GALNT16: variants seen among roughly 807,000 people sequenced by gnomAD.
The protein encoded by GALNT16 is UDP-GalNAc:polypeptide N-acetylgalactosaminyltransferase-like protein 1.
In GALNT16, 40 loss-of-function variants were observed where a neutral mutation model predicts 76.1. The observed-to-expected ratio is 0.53, with a 90% CI of 0.41 to 0.68. The LOEUF is 0.68. GALNT16 is among the 30% of genes least tolerant of loss of function. The probability of loss-of-function intolerance (pLI) is 0.00; values close to 1 mark genes in which losing one functional copy is unlikely to be tolerated. For missense variants in GALNT16, 621 were observed against 731.9 expected (o/e 0.85, Z 1.75); for synonymous variants, 276 against 285.2 (o/e 0.97, Z 0.32).
In GALNT16 at chr14:69,333,354, G is replaced by GC; in HGVS notation, c.864-141dup. The stretch of plus-strand genomic sequence containing the variant: ...GAGGCCACGGGAACAGATGTGGGGG[G>GC]CCAGGGAGCTGGCCAGACATCCTGC... On this transcript the variant is annotated intron_variant, in intron 8 of 14. Transcript: ENST00000448469. This position sits in a 1 kb window ranked among gnomAD's most constrained non-coding sequence, Gnocchi z 4.2. 1 of 708,262 alleles carries GC rather than the reference G, an allele frequency of 1.4e-6. No individual in the cohort carries two copies. The highest frequency in any genetic ancestry group is 2.5e-6 in the Non-Finnish European group (1 of 400,028). The allele number at this position is 708,262 out of a possible 1,614,324, so 43.9% of individuals were successfully genotyped here.
chr14:69,317,320 C>G (rs116522698), intron 1 of GALNT16, among the ~76,000 whole-genome samples: 1 of 152,246 alleles, frequency 6.6e-6, no homozygotes, highest in Non-Finnish European at 1.5e-5. Context: ...ACTGGTCACA[C>G]GACATCTGCA....
At chr14:69,351,946 C>A in intron 14 of GALNT16, 85 bp from the exon 15 acceptor site, 1 of 1,269,350 alleles carries the variant, frequency 7.9e-7, no homozygotes, top group South Asian at 1.4e-5. Flanking sequence ...GGGCTGTGTG[C>A]ATACATGTGG....
intron 2 of GALNT16, among the ~76,000 whole-genome samples, chr14:69,322,752 G>A (rs2045206633): frequency 6.6e-6 from 1 of 152,108 alleles, no homozygotes. Flanking sequence ...TTAGCTGGGT[G>A]TGGTGGTGGG....
At chr14:69,314,684 T>C (rs1220089476) in intron 1 of GALNT16, among the ~76,000 whole-genome samples, 1 of 152,250 alleles carries the variant, frequency 6.6e-6, no homozygotes, top group East Asian at 1.9e-4. Flanking sequence ...TGTCGAATTA[T>C]GTGCTTAGCT....
chr14:69,348,108 C>T (rs1412277473), intron 14 of GALNT16, 106 bp downstream of exon 14: 1 of 1,172,980 alleles, frequency 8.5e-7, no homozygotes, highest in Non-Finnish European at 1.3e-6. Context: ...ATAAGCCCTT[C>T]AGAGCGAGGA....
At position 69,353,602 on chromosome 14, in the gene GALNT16, G is replaced by A. The variant is rs1159192904; in HGVS notation, c.*1434G>A. On this transcript the variant is annotated 3_prime_UTR_variant, in exon 15 of 15. Coordinates refer to ENST00000448469, the MANE Select transcript of GALNT16 (RefSeq NM_001168368.2). ...TGGGGCAGATATACCTACCACAGGA[G>A]CCCCCTGTCTTTCATAGGCCAAGGA... 6.6e-6 allele frequency: 1 copy of A among 152,220 alleles called. No individual in the cohort carries two copies. The highest frequency in any genetic ancestry group is 2.4e-5 in the African/African-American group (1 of 41,414). 9.4% of individuals were successfully genotyped at this position (152,220 alleles called of 1,614,324 possible).
intron 11 of GALNT16, among the ~76,000 whole-genome samples, chr14:69,341,438 A>C (rs2045483700): frequency 6.6e-6 from 1 of 152,202 alleles, no homozygotes; most frequent in South Asian, 2.1e-4. Flanking sequence ...GTCTGTGCTC[A>C]CCCTGAAAGG....
chr14:69,279,224 G>A (rs972215234), intron 1 of GALNT16, among the ~76,000 whole-genome samples: 6 of 152,182 alleles, frequency 3.9e-5, no homozygotes, highest in African/African-American at 4.8e-5. Context: ...GAGCCACCAC[G>A]CCTGGCCATT....
At chr14:69,309,632 C>T (rs1174694266) in intron 1 of GALNT16, among the ~76,000 whole-genome samples, 2 of 152,250 alleles carry the variant, frequency 1.3e-5, no homozygotes, top group East Asian at 1.9e-4. Context: ...TTTCTATGAA[C>T]TTCTTCATAT....
At chr14:69,317,162 C>T (rs893742888) in intron 1 of GALNT16, among the ~76,000 whole-genome samples, 2 of 152,168 alleles carry the variant, frequency 1.3e-5, no homozygotes, top group African/African-American at 4.8e-5. Flanking sequence ...TTGAGCTGGT[C>T]CAGATATAGC....
chr14:69,309,705 T>C (rs992848136), intron 1 of GALNT16, among the ~76,000 whole-genome samples: 1 of 152,330 alleles, frequency 6.6e-6, no homozygotes, highest in African/African-American at 2.4e-5. Context: ...AAGAGCTCTT[T>C]GTGTATTACA....
At chr14:69,364,890 GTAT>G in the GALNT16 span, among the ~76,000 whole-genome samples, 634 of 152,192 alleles carry the variant, frequency 4.2e-3, 6 homozygotes, top group African/African-American at 0.015. This position sits in a 1 kb window ranked among gnomAD's most constrained non-coding sequence, Gnocchi z 4.2. Context: ...AGTGTTTTAA[GTAT>G]TATTTCATTT....
Position 69,353,617 on chromosome 14 carries a change from T to C in GALNT16, c.*1449T>C, listed in dbSNP as rs1185926840. On this transcript the variant is annotated 3_prime_UTR_variant, in exon 15 of 15. Coordinates refer to ENST00000448469, the MANE Select transcript of GALNT16 (RefSeq NM_001168368.2). ...TACCACAGGAGCCCCCTGTCTTTCA[T>C]AGGCCAAGGATCCACATACCCATAG... is the stretch of plus-strand genomic sequence containing the variant. 6.6e-6 allele frequency: 1 copy of C among 152,244 alleles called. No individual in the cohort carries two copies. Among genetic ancestry groups the C allele is most frequent in the Non-Finnish European group, 1.5e-5 (1 of 68,104 alleles). 9.4% of individuals were successfully genotyped at this position (152,244 alleles called of 1,614,324 possible).
chr14:69,352,206 C>A lies in GALNT16; in HGVS notation c.*38C>A. The A allele has an allele frequency of 1.3e-6, 2 of 1,556,948 alleles. No individual in the cohort carries two copies. Among genetic ancestry groups the A allele is most frequent in the Non-Finnish European group, 1.7e-6 (2 of 1,148,622 alleles). On this transcript the variant is annotated 3_prime_UTR_variant, in exon 15 of 15. Coordinates refer to ENST00000448469, the MANE Select transcript of GALNT16 (RefSeq NM_001168368.2). Reference sequence around the variant, plus strand: ...GGCCTCCTGTACCTTTTGCATGAGACTTCGGGACCGGAAGGGGGTTAGGGT... The same window carrying A: ...GGCCTCCTGTACCTTTTGCATGAGAATTCGGGACCGGAAGGGGGTTAGGGT...
chr14:69,343,656 G>T (rs1360773468), intron 12 of GALNT16, among the ~76,000 whole-genome samples: 1 of 152,222 alleles, frequency 6.6e-6, no homozygotes, highest in Non-Finnish European at 1.5e-5. Context: ...TCTTTACACT[G>T]TGTCAGCGTT....
At chr14:69,294,149 T>C (rs1363974371) in intron 1 of GALNT16, among the ~76,000 whole-genome samples, 8 of 151,420 alleles carry the variant, frequency 5.3e-5, no homozygotes. Context: ...TGGCCTCCCA[T>C]CTCGCTCTGT....
the GALNT16 span, chr14:69,380,393 C>A: frequency 2.1e-6 from 1 of 468,962 alleles, no homozygotes; most frequent in South Asian, 6.1e-5. Flanking sequence ...GAACAAGATC[C>A]TCACATTTCA....
chr14:69,361,973 C>T (rs996918936), downstream of GALNT16, among the ~76,000 whole-genome samples: 7 of 152,190 alleles, frequency 4.6e-5, no homozygotes, highest in African/African-American at 1.4e-4. Flanking sequence ...CGCCACTGCA[C>T]TCCAGCCTGG....
rs79638611 is a variant in GALNT16 at position 69,312,394 on chromosome 14, C to T, written c.178-8317C>T. ...GCAGAAGTGGCACCGACCTGGACCC[C>T]ATGTTAGCCCAGAGGGTGTTTCTTG... On this transcript the variant is annotated intron_variant, in intron 1 of 14. Coordinates refer to ENST00000448469, the MANE Select transcript of GALNT16 (RefSeq NM_001168368.2). 1.6e-4 allele frequency among the ~76,000 whole-genome samples: 24 copies of T among 152,318 alleles called. No individual in the cohort carries two copies. In the East Asian group the frequency reaches 4.6e-3, roughly 29 times the overall value.
Sources: allele counts gnomAD v4.1 joint callset (sites outside exome capture counted in the v4.1 genomes callset), GRCh38; gene constraint gnomAD v4.1.1; non-coding constraint Gnocchi (gnomAD v3.1); transcripts MANE v1.5; gene names NCBI Gene and HGNC (gene_info 2026-07-23, HGNC 2026-07-21).